The following SLC35F4 variants were observed in gnomAD, a reference collection of about 807,000 sequenced individuals.
SLC35F4 encodes solute carrier family 35 member F4, also known as chromosome 14 open reading frame 36.
SLC35F4 carries 24 observed loss-of-function variants against 44.2 expected under a neutral mutation model. The observed-to-expected ratio is 0.54, with a 90% confidence interval of 0.39 to 0.76. The LOEUF (loss-of-function observed/expected upper bound fraction) is 0.76. Among genes scored for constraint, SLC35F4 ranks in the 30% least tolerant of loss-of-function variants. SLC35F4 has a pLI of 0.00. For synonymous variants in SLC35F4, 238 were observed against 223.6 expected, an observed-to-expected ratio of 1.06 and a Z score of -0.57; for missense variants, 562 against 586.1, an observed-to-expected ratio of 0.96 and a Z score of 0.42.
At chr14:57,588,444 A>G (rs1028411822) in intron 3 of SLC35F4, among the ~76,000 whole-genome samples, 3 of 151,988 alleles carry the variant, frequency 2.0e-5, no homozygotes, top group African/African-American at 7.3e-5. Context: ...ACTGTCCACT[A>G]GCAAAGGTAC....
At chr14:57,838,032 T>G (rs1417607176) in intron 1 of SLC35F4, among the ~76,000 whole-genome samples, 1 of 152,218 alleles carries the variant, frequency 6.6e-6, no homozygotes, top group African/African-American at 2.4e-5. Context: ...TAATCAGTTC[T>G]TCCTATAGGT....
chr14:57,800,139 G>A (rs1290816376), intron 1 of SLC35F4, among the ~76,000 whole-genome samples: 1 of 152,186 alleles, frequency 6.6e-6, no homozygotes, highest in African/African-American at 2.4e-5. Flanking sequence ...CACTGGGACA[G>A]AGCTTCCAGA....
intron 1 of SLC35F4, among the ~76,000 whole-genome samples, chr14:57,783,354 ACTGT>A (rs965585643): frequency 9.9e-5 from 15 of 152,036 alleles, no homozygotes; most frequent in African/African-American, 2.7e-4. Flanking sequence ...AAAAAGGATA[ACTGT>A]CTGAACACGT....
rs989940176 is a variant in SLC35F4 at position 57,926,729 on chromosome 14, G to T, written n.282+55184C>A. Reference sequence around the variant, plus strand: ...AATATAACAATGAAGTAGGGTTGGGGGGGGGGGGTGGATATATATAGCCAA... The same window carrying T: ...AATATAACAATGAAGTAGGGTTGGGTGGGGGGGGTGGATATATATAGCCAA... On this transcript the variant is annotated intron_variant and non_coding_transcript_variant, in intron 1 of 1. Transcript: ENST00000556568. 0.01 allele frequency among the ~76,000 whole-genome samples: 713 copies of T among 70,854 alleles called. 8 individuals carry two copies. In the African/African-American group the frequency reaches 0.11, roughly 10 times the overall value. The allele number at this position is 70,854 out of a possible 152,430, so 46.5% of individuals were successfully genotyped here.
At chr14:57,746,013 C>A (rs939323603) in intron 1 of SLC35F4, among the ~76,000 whole-genome samples, 3 of 151,086 alleles carry the variant, frequency 2.0e-5, no homozygotes, top group Non-Finnish European at 4.4e-5. Context: ...TGTTCTCACT[C>A]ATAGGTGGGA....
chr14:57,677,063 A>G (rs2074718947), intron 1 of SLC35F4, among the ~76,000 whole-genome samples: 1 of 152,122 alleles, frequency 6.6e-6, no homozygotes, highest in Admixed American at 6.5e-5. Context: ...TATACACACT[A>G]TGGAATACTA....
chr14:57,751,912 T>TTCTC (rs3062974), intron 1 of SLC35F4, among the ~76,000 whole-genome samples: 13 of 149,374 alleles, frequency 8.7e-5, no homozygotes, highest in East Asian at 3.9e-4. Flanking sequence ...TAAAAAACAT[T>TTCTC]TCTCTCTCTC....
chr14:57,632,699 C>G (rs866738151), intron 1 of SLC35F4, among the ~76,000 whole-genome samples: 1 of 152,086 alleles, frequency 6.6e-6, no homozygotes, highest in Admixed American at 6.6e-5. Flanking sequence ...TGGTGTCATA[C>G]CTTCTATGGG....
chr14:57,635,220 T>C (rs1393476332), intron 1 of SLC35F4, among the ~76,000 whole-genome samples: 1 of 146,046 alleles, frequency 6.8e-6, no homozygotes, highest in African/African-American at 2.6e-5. Context: ...CACTATAGCC[T>C]GGGTGACAAA....
chr14:57,678,213 C>T (rs10142349), intron 1 of SLC35F4, among the ~76,000 whole-genome samples: 20,564 of 151,966 alleles, frequency 0.14, 1,738 homozygotes, highest in African/African-American at 0.22. Flanking sequence ...AGTGGAGGGC[C>T]AATATTAAAC....
At chr14:57,580,552 T>C in intron 4 of SLC35F4, 1 of 382,984 alleles carries the variant, frequency 2.6e-6, no homozygotes, top group South Asian at 2.0e-5. Context: ...ATTTTTAACA[T>C]AGAACAAGCA....
chr14:57,890,772 T>C (rs1888744635), intron 1 of SLC35F4, among the ~76,000 whole-genome samples: 1 of 152,146 alleles, frequency 6.6e-6, no homozygotes, highest in Non-Finnish European at 1.5e-5. Context: ...GGCATAAAAC[T>C]GAGGGAAAGG....
chr14:57,825,212 G>A (rs1883601451), intron 1 of SLC35F4, among the ~76,000 whole-genome samples: 1 of 152,060 alleles, frequency 6.6e-6, no homozygotes, highest in African/African-American at 2.4e-5. Flanking sequence ...AGAGCAGGAG[G>A]TTTCAGGCGA....
intron 1 of SLC35F4, among the ~76,000 whole-genome samples, chr14:57,901,095 T>C (rs1004189670): frequency 6.6e-6 from 1 of 152,210 alleles, no homozygotes; most frequent in Non-Finnish European, 1.5e-5. Context: ...GTTCAAGCAT[T>C]GTGGAAGACA....
chr14:57,885,261 C>T (rs1888621937), intron 1 of SLC35F4, among the ~76,000 whole-genome samples: 1 of 152,080 alleles, frequency 6.6e-6, no homozygotes, highest in South Asian at 2.1e-4. Flanking sequence ...CCCTACTGTA[C>T]CTTTGAATGC....
At chr14:57,844,707 C>G (rs1391210060) in intron 1 of SLC35F4, among the ~76,000 whole-genome samples, 1 of 152,150 alleles carries the variant, frequency 6.6e-6, no homozygotes, top group Admixed American at 6.5e-5. Flanking sequence ...CTTTTGGAAG[C>G]AAGATTTCCT....
intron 1 of SLC35F4, among the ~76,000 whole-genome samples, chr14:57,650,655 G>T (rs940570548): frequency 1.3e-5 from 2 of 152,092 alleles, no homozygotes; most frequent in African/African-American, 4.8e-5. Flanking sequence ...TTTAAAAAAT[G>T]GCAGTTAGAT....
intron 1 of SLC35F4, among the ~76,000 whole-genome samples, chr14:57,647,155 G>A (rs1013413088): frequency 6.6e-6 from 1 of 151,470 alleles, no homozygotes; most frequent in Non-Finnish European, 1.5e-5. Flanking sequence ...GTGCAGAGCT[G>A]AGTTCAATTC....
rs2070000897 is a variant in SLC35F4 at position 57,589,275 on chromosome 14, G to A, written c.528C>T (p.Val176=). ...STNWNIMFFP[V]YYSGHLATAQ... ...CAGTGGCTAGATGACCAGAATAATA[G>A]ACTGGGAAAAACATAATGTTCCAGT... Residue 176 remains valine, a synonymous_variant, in exon 3 of 8, where the codon GTC becomes GTT. Transcript: ENST00000556826. 6.2e-7 allele frequency: 1 copy of A among 1,613,770 alleles called. No homozygotes were observed. The highest frequency in any genetic ancestry group is 1.3e-5 in the African/African-American group (1 of 74,928).
Sources: allele counts gnomAD v4.1 joint callset (sites outside exome capture counted in the v4.1 genomes callset), GRCh38; gene constraint gnomAD v4.1.1; transcripts MANE v1.5; gene names NCBI Gene and HGNC (gene_info 2026-07-23, HGNC 2026-07-21).